The following METTL1 variants were observed in gnomAD, a reference collection of about 807,000 sequenced individuals.
The protein encoded by METTL1 is methyltransferase 1, tRNA methylguanosine, also known as tRNA (guanine-N(7)-)-methyltransferase.
Under a neutral mutation model 27.7 loss-of-function variants are expected in METTL1, and 14 were observed. The observed-to-expected ratio is 0.51, with a 90% CI of 0.33 to 0.79. METTL1 has a LOEUF of 0.79. Among genes scored for constraint, METTL1 ranks in the 30% least tolerant of loss-of-function variants. METTL1 has a pLI of 0.02. For missense variants in METTL1, 333 were observed against 359.6 expected (o/e 0.93, Z 0.60); for synonymous variants, 138 against 137.0 (o/e 1.01, Z -0.05).
At chr12:57,771,479 C>T in intron 1 of METTL1, 2 of 1,504,822 alleles carry the variant, frequency 1.3e-6, no homozygotes, top group African/African-American at 1.4e-5. Context: ...TAAACGCTGA[C>T]CTGCCCAACT....
At position 57,769,567 on chromosome 12, in the gene METTL1, C is replaced by G; in HGVS notation, c.571G>C (p.Gly191Arg). Residue 191 changes from glycine to arginine, a missense_variant and splice_region_variant, in exon 4 of 6, where the codon GGG becomes CGG. Physicochemically the swap from Gly to Arg is moderately radical, Grantham distance 125 (BLOSUM62 -2). Transcript: ENST00000324871. ...TCATCCCTCCGATCCCAACTCACCC[C>G]AACTCTTAGCACGTAGGCATATTCT... ...LAEYAYVLRVGGLVYTITDVL... is the reference protein window; with the variant it reads ...LAEYAYVLRVRGLVYTITDVL... 6.4e-7 allele frequency: 1 copy of G among 1,553,602 alleles called. No individual in the cohort carries two copies. The highest frequency in any genetic ancestry group is 8.7e-7 in the Non-Finnish European group (1 of 1,147,010).
intron 1 of METTL1, 101 bp downstream of exon 1, chr12:57,771,873 C>G (rs891098055): frequency 1.0e-5 from 14 of 1,365,658 alleles, no homozygotes; most frequent in South Asian, 6.0e-5. Context: ...ATCTGATCCT[C>G]CCGGGTCTAC....
chr12:57,770,465 C>T (rs1565814199), intron 2 of METTL1, among the ~76,000 whole-genome samples: 1 of 152,204 alleles, frequency 6.6e-6, no homozygotes, highest in African/African-American at 2.4e-5. Flanking sequence ...CTCCTGGCCT[C>T]AAGTGGTCCA....
chr12:57,771,548 TC>T, intron 1 of METTL1: 1 of 1,534,384 alleles, frequency 6.5e-7, no homozygotes, highest in Non-Finnish European at 8.7e-7. Context: ...GGGCACAAGT[TC>T]CCCTTCTCCC....
chr12:57,771,869 T>A (rs1358976704), intron 1 of METTL1, 105 bp downstream of exon 1: 15 of 1,335,036 alleles, frequency 1.1e-5, no homozygotes, highest in East Asian at 2.6e-5. Flanking sequence ...ACCCATCTGA[T>A]CCTCCCGGGT....
intron 4 of METTL1, 74 bp downstream of exon 4, chr12:57,769,491 C>T: frequency 6.3e-7 from 1 of 1,580,176 alleles, no homozygotes; most frequent in South Asian, 1.1e-5. Flanking sequence ...TCCCTAAATG[C>T]ACCCCCACTG....
chr12:57,770,828 C>T lies in METTL1; in HGVS notation c.274+266G>A, dbSNP rs73340215. The T allele has an allele frequency of 3.0e-3, 1,076 of 362,290 alleles. 7 individuals are homozygous for T. Among genetic ancestry groups the T allele is most frequent in the African/African-American group, 0.02 (1,006 of 49,508 alleles). 22.4% of individuals were successfully genotyped at this position (362,290 alleles called of 1,614,324 possible). On this transcript the variant is annotated intron_variant, in intron 2 of 5. Coordinates refer to ENST00000324871, the MANE Select transcript of METTL1 (RefSeq NM_005371.6). The stretch of plus-strand genomic sequence containing the variant: ...GCTTGTGCTGACCAGCTCACTGACC[C>T]GGAACCTGGCAGATGAAATGGCTCA...
chr12:57,768,929 G>C lies in METTL1; in HGVS notation c.*67C>G. On this transcript the variant is annotated 3_prime_UTR_variant, in exon 6 of 6. Coordinates refer to ENST00000324871, the MANE Select transcript of METTL1 (RefSeq NM_005371.6). Reference sequence around the variant, plus strand: ...CAGCTCCAGCAGTCTCAACTGGGAAGACCCAGGACTCCTGCTCTTTTCTCT... The same window carrying C: ...CAGCTCCAGCAGTCTCAACTGGGAACACCCAGGACTCCTGCTCTTTTCTCT... 1 of 1,545,702 alleles carries C rather than the reference G, an allele frequency of 6.5e-7. No homozygotes were observed. The highest frequency in any genetic ancestry group is 1.4e-5 in the African/African-American group (1 of 73,772).
rs758987779 is a variant in METTL1 at position 57,769,142 on chromosome 12, G to A, written c.685C>T (p.Pro229Ser). Residue 229 changes from proline to serine, a missense_variant, in exon 6 of 6, where the codon CCC (proline) becomes TCC (serine). Coordinates refer to ENST00000324871, the MANE Select transcript of METTL1 (RefSeq NM_005371.6). ...RVPLEDLSED[P>S]VVGHLGTSTE... ...GAGGTGCCTAGATGTCCCACAACGG[G>A]GTCTTCACTCTGGGAGAAGGAAGGG... 3.7e-6 allele frequency: 6 copies of A among 1,601,106 alleles called. No individual in the cohort carries two copies. In the South Asian group the frequency reaches 5.5e-5, roughly 15 times the overall value.
chr12:57,770,207 TCA>T (rs1214754988), intron 2 of METTL1, among the ~76,000 whole-genome samples: 1 of 152,278 alleles, frequency 6.6e-6, no homozygotes, highest in Non-Finnish European at 1.5e-5. Flanking sequence ...CACAGTGTTT[TCA>T]CACATTGTGT....
At chr12:57,770,083 A>G (rs1473793432) in intron 2 of METTL1, 127 bp from the exon 3 acceptor site, 3 of 918,468 alleles carry the variant, frequency 3.3e-6, no homozygotes, top group Admixed American at 5.4e-5. Flanking sequence ...GGACAGAGAT[A>G]CATATATGGA....
intron 1 of METTL1, chr12:57,771,536 T>C (rs893215512): frequency 6.5e-7 from 1 of 1,533,782 alleles, no homozygotes; most frequent in African/African-American, 1.4e-5. Context: ...CTGCCCTTTC[T>C]GGGGCACAAG....
intron 3 of METTL1, 36 bp from the exon 4 acceptor site, chr12:57,769,714 G>A (rs374676211): frequency 5.6e-6 from 9 of 1,605,840 alleles, no homozygotes; most frequent in East Asian, 2.2e-5. Context: ...GGTTGTGAGA[G>A]CCTGGCCTCC....
chr12:57,770,751 T>G (rs185863019), intron 2 of METTL1: 2 of 207,156 alleles, frequency 9.7e-6, no homozygotes, highest in Non-Finnish European at 2.0e-5. Flanking sequence ...GATGGTAGAA[T>G]CTCTGAGAAA....
Position 57,771,974 on chromosome 12 carries a change from T to C in METTL1, c.110A>G (p.Tyr37Cys). The change falls in exon 1 of 6, where the codon TAC becomes TGC. Residue 37 changes from tyrosine to cysteine, a missense_variant and splice_region_variant. Tyr to Cys is a radical substitution (Grantham distance 194). Coordinates refer to ENST00000324871, the MANE Select transcript of METTL1 (RefSeq NM_005371.6). The stretch of plus-strand genomic sequence containing the variant: ...CTCTCTCCCTCTGCCCACTCCTCAC[T>C]AGCGCAGCGTGTGGTCCGCCATGGG... ...SNPMADHTLRYPVKPEEMDWS... is the reference protein window; with the variant it reads ...SNPMADHTLRCPVKPEEMDWS... 1 of 1,517,738 alleles carries C rather than the reference T, an allele frequency of 6.6e-7. No individual in the cohort carries two copies. Among genetic ancestry groups the C allele is most frequent in the Non-Finnish European group, 8.8e-7 (1 of 1,139,768 alleles). The allele number at this position is 1,517,738 out of a possible 1,614,324, so 94.0% of individuals were successfully genotyped here.
At position 57,772,045 on chromosome 12, in the gene METTL1, G is replaced by GA. The variant is rs769847778; in HGVS notation, c.38_39insT (p.Pro15ThrfsTer34). 6.4e-7 allele frequency: 1 copy of GA among 1,554,538 alleles called. No homozygotes were observed. The highest frequency in any genetic ancestry group is 2.5e-5 in the East Asian group (1 of 40,232). On this transcript the variant is annotated frameshift_variant, in exon 1 of 6. Transcript: ENST00000324871. LOFTEE classifies it high-confidence loss of function. The surrounding 1 kb of genome is among the most constrained non-coding windows in gnomAD (Gnocchi z 4.1). ...GGTAGTAGCGCTTCTGGGGCGGTGG[G>GA]GCCTCTGCTCCGGCCACGTTCCGAG...
chr12:57,770,322 TATTTATTTGAG>T, intron 2 of METTL1, among the ~76,000 whole-genome samples: 1 of 152,280 alleles, frequency 6.6e-6, no homozygotes, highest in South Asian at 2.1e-4. Flanking sequence ...AACTGGAACT[TATTTATTTGAG>T]ATGGAGTCTT....
In METTL1 at chr12:57,772,075, G is replaced by C. The variant is rs1466914200; in HGVS notation, c.9C>G (p.Ala3=). 6.4e-7 allele frequency: 1 copy of C among 1,563,538 alleles called. No individual in the cohort carries two copies. Residue 3 remains alanine, a synonymous_variant, in exon 1 of 6, where the codon GCC becomes GCG. Coordinates refer to ENST00000324871, the MANE Select transcript of METTL1 (RefSeq NM_005371.6). The surrounding 1 kb of genome is among the most constrained non-coding windows in gnomAD (Gnocchi z 4.1). ...CTGCTCCGGCCACGTTCCGAGTCTCGGCTGCCATGATCCCAGTCCGGGGTT... is the reference window on the plus strand; with the variant it reads ...CTGCTCCGGCCACGTTCCGAGTCTCCGCTGCCATGATCCCAGTCCGGGGTT... MA[A]ETRNVAGAEA...
intron 1 of METTL1, chr12:57,771,535 C>A: frequency 6.5e-7 from 1 of 1,533,560 alleles, no homozygotes; most frequent in Non-Finnish European, 8.7e-7. Flanking sequence ...ACTGCCCTTT[C>A]TGGGGCACAA....
Sources: allele counts gnomAD v4.1 joint callset (sites outside exome capture counted in the v4.1 genomes callset), GRCh38; gene constraint gnomAD v4.1.1; non-coding constraint Gnocchi (gnomAD v3.1); transcripts MANE v1.5; gene names NCBI Gene and HGNC (gene_info 2026-07-23, HGNC 2026-07-21).